The following HMCN2 variants were observed in gnomAD, a reference collection of about 807,000 sequenced individuals.
The protein encoded by HMCN2 is hemicentin-2.
HMCN2 carries 325 observed loss-of-function variants against 377.5 expected under a neutral mutation model. The ratio of observed to expected loss-of-function variants is 0.86; its 90% CI spans 0.79 to 0.94. HMCN2 has a LOEUF of 0.94. Ranked by LOEUF, HMCN2 falls within the 40% of genes least tolerant of loss-of-function variation. The probability of loss-of-function intolerance (pLI) is 0.00; values close to 1 mark genes in which losing one functional copy is unlikely to be tolerated. For synonymous variants in HMCN2, 2,007 were observed against 2,046.8 expected, an observed-to-expected ratio of 0.98 and a Z score of 0.53; for missense variants, 4,543 against 4,725.3, an observed-to-expected ratio of 0.96 and a Z score of 1.13.
At position 130,404,967 on chromosome 9, in the gene HMCN2, A is replaced by G; in HGVS notation, c.12247A>G (p.Ile4083Val). Residue 4083 changes from isoleucine (I) to valine (V), a missense_variant, in exon 81 of 98, where the codon ATC becomes GTC. This residue lies in a region of HMCN2 where 1,073 missense variants were observed against 1,319.5 expected (regional missense o/e 0.81). Coordinates refer to ENST00000683500, the MANE Select transcript of HMCN2 (RefSeq NM_001291815.2). The part of the protein sequence containing the change: ...CKARGSPEPN[I>V]TWDKDGQPVS... ...GGCGAGGGGCAGTCCTGAGCCCAAC[A>G]TCACCTGGGACAAAGATGGCCAGCC... The G allele has an allele frequency of 7.8e-7, 1 of 1,289,474 alleles. No individual in the cohort carries two copies. Among genetic ancestry groups the G allele is most frequent in the Non-Finnish European group, 1.0e-6 (1 of 988,722 alleles). 79.9% of individuals were successfully genotyped at this position (1,289,474 alleles called of 1,614,324 possible). A position where few individuals can be genotyped will look rare whatever the true frequency, so the allele number is the denominator to read the frequency against.
chr9:130,294,487 G>A (rs1554931193), intron 4 of HMCN2, among the ~76,000 whole-genome samples: 3 of 152,188 alleles, frequency 2.0e-5, no homozygotes, highest in African/African-American at 7.2e-5. Flanking sequence ...AACTACATGG[G>A]TCTGGGGGAG....
At position 130,433,517 on chromosome 9, in the gene HMCN2, G is replaced by T. The variant is rs761984953; in HGVS notation, c.15064G>T (p.Glu5022Ter). The change falls in exon 98 of 98, where the codon GAG (glutamate) becomes TAG (stop). Residue 5022 changes from glutamate (E) to a stop codon, truncating the protein, a stop_gained. Transcript: ENST00000683500. LOFTEE classifies it high-confidence loss of function. Reference sequence around the variant, plus strand: ...CAACCGCACCGAGCTCAGCATGCTGGAGCCCGACCCCCGCAGCCCCTTCGC... The same window carrying T: ...CAACCGCACCGAGCTCAGCATGCTGTAGCCCGACCCCCGCAGCCCCTTCGC... ...PANRTELSML[E>*]PDPRSPFALR... 2.3e-5 allele frequency: 34 copies of T among 1,487,606 alleles called. No individual in the cohort carries two copies. Among genetic ancestry groups the T allele is most frequent in the Non-Finnish European group, 2.7e-5 (30 of 1,125,890 alleles). The allele number at this position is 1,487,606 out of a possible 1,614,324, so 92.2% of individuals were successfully genotyped here.
intron 4 of HMCN2, among the ~76,000 whole-genome samples, chr9:130,291,878 T>C (rs542910525): frequency 6.6e-6 from 1 of 152,334 alleles, no homozygotes; most frequent in Non-Finnish European, 1.5e-5. Flanking sequence ...GCATTTCCTT[T>C]GGTTGTTATG....
chr9:130,304,737 G>A lies in HMCN2; in HGVS notation c.1551G>A (p.Pro517=), dbSNP rs1451789921. The change falls in exon 11 of 98, where the codon CCG becomes CCA. Residue 517 remains proline (P), a synonymous_variant. Coordinates refer to ENST00000683500, the MANE Select transcript of HMCN2 (RefSeq NM_001291815.2). This position sits in a 1 kb window ranked among gnomAD's most constrained non-coding sequence, Gnocchi z 4.3. ...GTGCTCATGTCCCTGCAGACCCCCC[G>A]CCGCAGCTGGTCCCTGCTCCCAACG... ...AKAQIVVTDP[P]PQLVPAPNVT... is the part of the protein sequence containing the mutation. 6.5e-6 allele frequency: 3 copies of A among 463,068 alleles called. No homozygotes were observed. The highest frequency in any genetic ancestry group is 1.6e-5 in the South Asian group (1 of 64,338). 28.7% of individuals were successfully genotyped at this position (463,068 alleles called of 1,614,324 possible). A position where few individuals can be genotyped will look rare whatever the true frequency, so the allele number is the denominator to read the frequency against.
chr9:130,354,735 C>T, intron 31 of HMCN2, 28 bp from the exon 32 acceptor site: 1 of 1,270,630 alleles, frequency 7.9e-7, no homozygotes, highest in Non-Finnish European at 1.0e-6. Context: ...AGCTGTGGTC[C>T]CCAAGCCGCC....
intron 14 of HMCN2, among the ~76,000 whole-genome samples, chr9:130,307,897 G>A (rs782717732): frequency 3.1e-4 from 47 of 152,114 alleles, no homozygotes; most frequent in Non-Finnish European, 5.6e-4. Flanking sequence ...GGTTGGTTGC[G>A]TGAAGATTAA....
At position 130,369,884 on chromosome 9, in the gene HMCN2, T is replaced by C; in HGVS notation, c.7069+33T>C. 1 of 985,298 alleles carries C rather than the reference T, an allele frequency of 1.0e-6. No individual in the cohort carries two copies. Among genetic ancestry groups the C allele is most frequent in the Non-Finnish European group, 1.2e-6 (1 of 829,782 alleles). The allele number at this position is 985,298 out of a possible 1,614,324, so 61.0% of individuals were successfully genotyped here. Reference sequence around the variant, plus strand: ...CCGGCAGCTGCTGGAGGAGTTGGGCTGGGGCAGATTAGAGTGGGCAAGGTG... The same window carrying C: ...CCGGCAGCTGCTGGAGGAGTTGGGCCGGGGCAGATTAGAGTGGGCAAGGTG... On this transcript the variant is annotated intron_variant, in intron 45 of 97. Coordinates refer to ENST00000683500, the MANE Select transcript of HMCN2 (RefSeq NM_001291815.2). This position sits in a 1 kb window ranked among gnomAD's most constrained non-coding sequence, Gnocchi z 4.5.
intron 23 of HMCN2, among the ~76,000 whole-genome samples, chr9:130,338,831 T>C (rs2131467253): frequency 6.6e-6 from 1 of 152,368 alleles, no homozygotes; most frequent in East Asian, 1.9e-4. Context: ...TTTAAAATAA[T>C]TGGACAAGCA....
rs553896259 is a variant in HMCN2 at position 130,409,125 on chromosome 9, C to T, written c.12879+192C>T. ...AGCCAACTGGGCTTTTCCATTCCTC[C>T]GTCATCCACCCATTCAATGGAGCGA... On this transcript the variant is annotated intron_variant, in intron 84 of 97. Transcript: ENST00000683500. Among the ~76,000 whole-genome samples, 358 of 152,324 alleles carry T rather than the reference C, an allele frequency of 2.4e-3. 2 individuals are homozygous for T. The highest frequency in any genetic ancestry group is 8.0e-3 in the African/African-American group (333 of 41,548).
At chr9:130,338,764 C>T in intron 23 of HMCN2, among the ~76,000 whole-genome samples, 1 of 152,242 alleles carries the variant, frequency 6.6e-6, no homozygotes, top group African/African-American at 2.4e-5. Flanking sequence ...GGCCCAAGGG[C>T]CCAATCTGCC....
chr9:130,349,313 A>G (rs1471202007), intron 28 of HMCN2, among the ~76,000 whole-genome samples, 182 bp downstream of exon 28: 5 of 152,216 alleles, frequency 3.3e-5, no homozygotes, highest in Non-Finnish European at 7.3e-5. Flanking sequence ...GACATCAGAC[A>G]GGTGAATAGC....
At chr9:130,329,928 A>G (rs1838338195) in intron 22 of HMCN2, among the ~76,000 whole-genome samples, 1 of 151,618 alleles carries the variant, frequency 6.6e-6, no homozygotes, top group African/African-American at 2.4e-5. Context: ...CCCTTGGAAA[A>G]CACACAGTGA....
chr9:130,331,907 G>A (rs1474479609), intron 22 of HMCN2, among the ~76,000 whole-genome samples: 2 of 152,132 alleles, frequency 1.3e-5, no homozygotes, highest in Admixed American at 6.5e-5. Context: ...TTTCTATCTC[G>A]TTCTTCCAGG....
chr9:130,366,129 C>A, intron 43 of HMCN2, 134 bp downstream of exon 43: 1 of 654,380 alleles, frequency 1.5e-6, no homozygotes, highest in Non-Finnish European at 1.9e-6. Context: ...GGTGGGGATG[C>A]TGGTTACAGA....
At position 130,356,358 on chromosome 9, in the gene HMCN2, T is replaced by C. The variant is rs1397576751; in HGVS notation, c.5425+101T>C. Reference sequence around the variant, plus strand: ...GGCCTGGAAGGGCACGGGGCTGGTCTTTGCTGGATGGCGTTTCTGGGCTGG... The same window carrying C: ...GGCCTGGAAGGGCACGGGGCTGGTCCTTGCTGGATGGCGTTTCTGGGCTGG... On this transcript the variant is annotated intron_variant, in intron 34 of 97. Transcript: ENST00000683500. 32 of 1,125,280 alleles carry C rather than the reference T, an allele frequency of 2.8e-5. No individual in the cohort carries two copies. The East Asian group carries it at 6.2e-4, about 22-fold the overall frequency. 69.7% of individuals were successfully genotyped at this position (1,125,280 alleles called of 1,614,324 possible).
chr9:130,386,958 C>G (rs1256989931), intron 61 of HMCN2, among the ~76,000 whole-genome samples: 1 of 152,228 alleles, frequency 6.6e-6, no homozygotes, highest in Non-Finnish European at 1.5e-5. Context: ...AGCTGCCTGC[C>G]AGGCACAGTG....
chr9:130,330,799 G>A (rs1307930343), intron 22 of HMCN2, among the ~76,000 whole-genome samples: 1 of 151,908 alleles, frequency 6.6e-6, no homozygotes, highest in Non-Finnish European at 1.5e-5. Context: ...CCATTTTCTC[G>A]ATTCATTCTG....
chr9:130,359,571 C>T (rs1297195284), intron 37 of HMCN2, among the ~76,000 whole-genome samples, 157 bp downstream of exon 37: 1 of 152,206 alleles, frequency 6.6e-6, no homozygotes, highest in Non-Finnish European at 1.5e-5. Flanking sequence ...TCCTCTTCAA[C>T]AATGTCCTTC....
intron 3 of HMCN2, among the ~76,000 whole-genome samples, chr9:130,285,701 G>A (rs1175437330): frequency 2.0e-5 from 3 of 152,168 alleles, no homozygotes; most frequent in African/African-American, 4.8e-5. Context: ...AAGACCTGTC[G>A]GATCCCTTGC....
Sources: gnomAD v4.1 joint callset for allele counts (sites outside exome capture counted in the v4.1 genomes callset) on GRCh38, gnomAD v4.1.1 for gene constraint, gnomAD v4.1.1 regional missense constraint, Gnocchi (gnomAD v3.1) non-coding constraint, MANE v1.5 for transcripts, NCBI Gene and HGNC (gene_info 2026-07-23, HGNC 2026-07-21) for gene names.